The following EIF4E2 variants were observed in gnomAD, a reference collection of about 807,000 sequenced individuals.
EIF4E2 encodes eukaryotic translation initiation factor 4E type 2.
EIF4E2 carries 13 observed loss-of-function variants against 34.2 expected under a neutral mutation model. That is an observed-to-expected ratio of 0.38 (90% confidence interval 0.25 to 0.60). The LOEUF is 0.60. Ranked by LOEUF, EIF4E2 falls within the 20% of genes least tolerant of loss-of-function variation. The pLI is 0.62. For synonymous variants in EIF4E2, 100 were observed against 106.6 expected, an observed-to-expected ratio of 0.94 and a Z score of 0.38; for missense variants, 222 against 315.1, an observed-to-expected ratio of 0.70 and a Z score of 2.24.
intron 4 of EIF4E2, among the ~76,000 whole-genome samples, chr2:232,565,118 A>G (rs1692875391): frequency 6.6e-6 from 1 of 152,188 alleles, no homozygotes; most frequent in Admixed American, 6.5e-5. Context: ...GCATTTTTCG[A>G]GAAGACAAAT....
chr2:232,563,211 C>T (rs139317402), intron 3 of EIF4E2, among the ~76,000 whole-genome samples: 44 of 152,176 alleles, frequency 2.9e-4, no homozygotes, highest in African/African-American at 1.0e-3. Flanking sequence ...TGCCTCTTCA[C>T]TGGCCAGTAC....
exon 7 of EIF4E2, chr2:232,580,935 A>G: frequency 6.5e-7 from 1 of 1,550,296 alleles, no homozygotes; most frequent in Non-Finnish European, 8.7e-7. Flanking sequence ...TACAAAAATC[A>G]CATTGTGAGA....
In EIF4E2 at chr2:232,550,730, C is replaced by A; in HGVS notation, c.6C>A (p.Asn2Lys). The A allele has an allele frequency of 2.5e-6, 4 of 1,585,994 alleles. No homozygotes were observed. Among genetic ancestry groups the A allele is most frequent in the East Asian group, 2.4e-5 (1 of 42,492 alleles). ...GCGACAGCGGCGGCGAGAGGATGAA[C>A]AACAAGTTCGACGCGTGAGTGGCTC... MNNKFDALKDDD... is the reference protein window; with the variant it reads MKNKFDALKDDD... Residue 2 changes from asparagine to lysine, a missense_variant, in exon 1 of 7, where the codon AAC becomes AAA. Physicochemically the swap from Asn to Lys is moderately conservative, Grantham distance 94 (BLOSUM62 0). Around this residue, in one of 3 missense-constraint regions of EIF4E2, gnomAD observed 87 missense variants for 93.6 expected, o/e 0.93. Coordinates refer to ENST00000258416, the MANE Select transcript of EIF4E2 (RefSeq NM_004846.4).
chr2:232,557,713 C>T (rs1196722952), intron 2 of EIF4E2, 171 bp from the exon 3 acceptor site: 2 of 728,512 alleles, frequency 2.7e-6, no homozygotes, highest in Admixed American at 2.5e-5. Flanking sequence ...AATCAGTTAA[C>T]CACTGAGGAA....
chr2:232,579,947 A>G (rs534419974), intron 6 of EIF4E2, among the ~76,000 whole-genome samples: 1 of 152,180 alleles, frequency 6.6e-6, no homozygotes, highest in Non-Finnish European at 1.5e-5. Context: ...GTTGAGACTC[A>G]GATGGTGACA....
chr2:232,559,395 C>T (rs1463229425), intron 3 of EIF4E2, among the ~76,000 whole-genome samples: 1 of 150,032 alleles, frequency 6.7e-6, no homozygotes, highest in African/African-American at 2.5e-5. Context: ...CGGTTTTCTC[C>T]AACAGTCTTG....
downstream of EIF4E2, among the ~76,000 whole-genome samples, chr2:232,573,377 T>C (rs1693135836): frequency 6.6e-6 from 1 of 152,170 alleles, no homozygotes; most frequent in South Asian, 2.1e-4. Flanking sequence ...ATATTTTATA[T>C]ATAATTCCCA....
At chr2:232,567,449 G>A in intron 6 of EIF4E2, 3 of 1,338,170 alleles carry the variant, frequency 2.2e-6, no homozygotes, top group Non-Finnish European at 2.9e-6. Context: ...AAACCCAGTT[G>A]TACTACCTGG....
chr2:232,550,698 G>A lies in EIF4E2; in HGVS notation c.-27G>A. The A allele has an allele frequency of 1.3e-6, 2 of 1,584,064 alleles. No individual in the cohort carries two copies. Among genetic ancestry groups the A allele is most frequent in the Non-Finnish European group, 1.7e-6 (2 of 1,166,722 alleles). On this transcript the variant is annotated 5_prime_UTR_variant, in exon 1 of 7. Coordinates refer to ENST00000258416, the MANE Select transcript of EIF4E2 (RefSeq NM_004846.4). ...CGGTGGAGCGGAAGTCACTCCCTGA[G>A]GCAGTGGCGACAGCGGCGGCGAGAG...
chr2:232,559,824 T>TAAAAAA (rs576233672), intron 3 of EIF4E2, among the ~76,000 whole-genome samples: 2 of 115,506 alleles, frequency 1.7e-5, no homozygotes, highest in African/African-American at 7.3e-5. Flanking sequence ...ACGGGAGCAT[T>TAAAAAA]AAAAAAAAAA....
At chr2:232,574,182 TG>T, downstream of EIF4E2, 1 of 1,372,838 alleles carries the variant, frequency 7.3e-7, no homozygotes, top group Non-Finnish European at 1.0e-6. Context: ...AAGGGGGATG[TG>T]GGGTTATTGT....
chr2:232,576,238 AT>A (rs1338172004), intron 6 of EIF4E2, among the ~76,000 whole-genome samples: 3 of 151,996 alleles, frequency 2.0e-5, no homozygotes, highest in Non-Finnish European at 4.4e-5. Context: ...AGTGAATGTG[AT>A]TTTAAAAGGT....
chr2:232,578,621 C>CAAA (rs373152127), intron 6 of EIF4E2, among the ~76,000 whole-genome samples: 1 of 120,282 alleles, frequency 8.3e-6, no homozygotes. Flanking sequence ...CACTCCATCT[C>CAAA]AAAAAAAAAA....
At chr2:232,550,972 C>T (rs143293892) in intron 1 of EIF4E2, 7,201 of 617,452 alleles carry the variant, frequency 0.012, 60 homozygotes, top group Non-Finnish European at 0.015. Flanking sequence ...GAGCTGGGCC[C>T]GGGGGAGGGG....
Position 232,569,070 on chromosome 2 carries a change from CTTG to C in EIF4E2, c.*56_*58del. 1 of 1,603,492 alleles carries C rather than the reference CTTG, an allele frequency of 6.2e-7. No individual in the cohort carries two copies. The highest frequency in any genetic ancestry group is 8.5e-7 in the Non-Finnish European group (1 of 1,174,790). ...ATTGAAGCTGGCGTCATCGGAGTCT[CTTG>C]TTCTGTTGGCGTGCTACCTGGAAGA... On this transcript the variant is annotated 3_prime_UTR_variant, in exon 7 of 7. Coordinates refer to ENST00000258416, the MANE Select transcript of EIF4E2 (RefSeq NM_004846.4).
intron 6 of EIF4E2, among the ~76,000 whole-genome samples, chr2:232,575,941 C>T (rs1693201850): frequency 6.6e-6 from 1 of 152,054 alleles, no homozygotes; most frequent in Non-Finnish European, 1.5e-5. Flanking sequence ...CGCAGTGGCT[C>T]ACGCCTGTAA....
rs920933045 is a variant in EIF4E2 at position 232,581,095 on chromosome 2, G to A, written c.*152G>A. On this transcript the variant is annotated 3_prime_UTR_variant, in exon 7 of 7. Coordinates refer to the EIF4E2 transcript ENST00000409098. This position sits in a 1 kb window ranked among gnomAD's most constrained non-coding sequence, Gnocchi z 5.2. ...CACTCATTCCTGGAGGACGGATTCC[G>A]CTAGACACCCTCCAGCATCGCTGAC... The A allele has an allele frequency of 3.6e-5, 28 of 783,372 alleles. 1 individual carries two copies. Among genetic ancestry groups the A allele is most frequent in the East Asian group, 5.3e-5 (2 of 37,454 alleles). 48.5% of individuals were successfully genotyped at this position (783,372 alleles called of 1,614,324 possible).
At position 232,550,841 on chromosome 2, in the gene EIF4E2, G is replaced by T. The variant is rs987087923; in HGVS notation, c.20+97G>T. 4.9e-6 allele frequency: 6 copies of T among 1,227,642 alleles called. No homozygotes were observed. The African/African-American group carries it at 7.9e-5, about 16-fold the overall frequency. 76.0% of individuals were successfully genotyped at this position (1,227,642 alleles called of 1,614,324 possible). On this transcript the variant is annotated intron_variant, in intron 1 of 6. Coordinates refer to ENST00000258416, the MANE Select transcript of EIF4E2 (RefSeq NM_004846.4). ...GGGGCGGCGCAAACCCTGCGGCACC[G>T]GCTTCCCTGCTGGGATCCGGCTGCG...
downstream of EIF4E2, among the ~76,000 whole-genome samples, chr2:232,571,960 G>A (rs1471865124): frequency 1.3e-5 from 2 of 152,236 alleles, no homozygotes; most frequent in African/African-American, 4.8e-5. Context: ...GTAGAGGTAG[G>A]GGGAAGTGTA....
Sources: gnomAD v4.1 joint callset for allele counts (sites outside exome capture counted in the v4.1 genomes callset) on GRCh38, gnomAD v4.1.1 for gene constraint, gnomAD v4.1.1 regional missense constraint, Gnocchi (gnomAD v3.1) non-coding constraint, MANE v1.5 for transcripts, NCBI Gene and HGNC (gene_info 2026-07-23, HGNC 2026-07-21) for gene names.